JHY: variants seen among roughly 807,000 people sequenced by gnomAD.
JHY encodes junctional cadherin complex regulator.
In JHY, 69 loss-of-function variants were observed where a neutral mutation model predicts 78.0. That is an observed-to-expected ratio of 0.88 (90% CI 0.73 to 1.08). The LOEUF (loss-of-function observed/expected upper bound fraction) is 1.08. Among genes scored for constraint, JHY ranks in the 50% least tolerant of loss-of-function variants. The probability of loss-of-function intolerance (pLI) is 0.00; values close to 1 mark genes in which losing one functional copy is unlikely to be tolerated. For synonymous variants in JHY, 368 were observed against 342.6 expected, an observed-to-expected ratio of 1.07 and a Z score of -0.82; for missense variants, 944 against 927.8, an observed-to-expected ratio of 1.02 and a Z score of -0.23.
rs566191245 is a variant in JHY, at chr11:122,918,635, G to A, written c.865-6262G>A. ...TTTCCACCTTATTTTGTCAACAGCC[G>A]GCTACCTGGCTTTAAAATAAACCAC... On this transcript the variant is annotated intron_variant, in intron 3 of 8. Transcript: ENST00000227349. Among the ~76,000 whole-genome samples, 9 of 151,586 alleles carry A rather than the reference G, an allele frequency of 5.9e-5. 2 individuals carry two copies. Among genetic ancestry groups the A allele is most frequent in the African/African-American group, 2.0e-4 (8 of 40,918 alleles).
chr11:122,951,063 C>T (rs989890787), intron 6 of JHY, among the ~76,000 whole-genome samples: 5 of 152,194 alleles, frequency 3.3e-5, no homozygotes, highest in Admixed American at 1.3e-4. Context: ...AGTCAAGGCA[C>T]CAGACAGAGG....
intron 3 of JHY, among the ~76,000 whole-genome samples, chr11:122,904,795 A>T (rs574281254): frequency 3.4e-4 from 52 of 152,358 alleles, no homozygotes; most frequent in Non-Finnish European, 5.0e-4. Flanking sequence ...GGAACTTTTT[A>T]AAACTGTGTT....
chr11:122,927,033 A>G (rs1226390371), intron 4 of JHY: 1 of 152,238 alleles, frequency 6.6e-6, no homozygotes, highest in Non-Finnish European at 1.5e-5. Context: ...TCGAGGTAAA[A>G]AGCTTTGCCC....
intron 2 of JHY, among the ~76,000 whole-genome samples, chr11:122,896,491 AC>A (rs1862743871): frequency 6.6e-6 from 1 of 152,142 alleles, no homozygotes; most frequent in African/African-American, 2.4e-5. Flanking sequence ...GAAAGTACTT[AC>A]GTTTCTTAAT....
In JHY at chr11:122,961,086, TA is replaced by T. The variant is rs1301461377; in HGVS notation, c.*1644del. 2.0e-6 allele frequency: 2 copies of T among 1,012,250 alleles called. No homozygotes were observed. The highest frequency in any genetic ancestry group is 3.1e-6 in the Non-Finnish European group (2 of 651,032). 62.7% of individuals were successfully genotyped at this position (1,012,250 alleles called of 1,614,324 possible). On this transcript the variant is annotated 3_prime_UTR_variant, in exon 9 of 9. Transcript: ENST00000227349. ...GAAGACTCATGCACAGCCAGTTATGTAAATGTATCTATCCCAATTGAGAGAG... is the reference window on the plus strand; with the variant it reads ...GAAGACTCATGCACAGCCAGTTATGTAATGTATCTATCCCAATTGAGAGAG...
intron 3 of JHY, among the ~76,000 whole-genome samples, chr11:122,906,247 G>A (rs765048796): frequency 1.2e-4 from 19 of 152,102 alleles, no homozygotes; most frequent in Non-Finnish European, 2.4e-4. Flanking sequence ...GAATGCAATC[G>A]CACGATCATA....
At chr11:122,905,352 A>T in intron 3 of JHY, 5 of 1,534,464 alleles carry the variant, frequency 3.3e-6, no homozygotes, top group Non-Finnish European at 4.4e-6. Context: ...TACTGGAAAG[A>T]GCTTGAGATT....
At chr11:122,910,641 G>A (rs1863097724) in intron 3 of JHY, among the ~76,000 whole-genome samples, 1 of 152,102 alleles carries the variant, frequency 6.6e-6, no homozygotes, top group African/African-American at 2.4e-5. Context: ...TCTTAATTTT[G>A]AACCATACTT....
intron 2 of JHY, among the ~76,000 whole-genome samples, chr11:122,902,857 T>C (rs550380192): frequency 5.3e-5 from 8 of 152,276 alleles, no homozygotes; most frequent in East Asian, 3.9e-4. Context: ...ACCTCCAACA[T>C]TGGGGATTAC....
At chr11:122,892,023 T>C (rs1591368191) in intron 2 of JHY, among the ~76,000 whole-genome samples, 1 of 152,236 alleles carries the variant, frequency 6.6e-6, no homozygotes, top group East Asian at 1.9e-4. Context: ...TTTTAGAGGA[T>C]ACTGTGACCT....
chr11:122,911,376 T>G (rs985443959), intron 3 of JHY, among the ~76,000 whole-genome samples: 22 of 152,204 alleles, frequency 1.4e-4, no homozygotes, highest in African/African-American at 5.1e-4. Context: ...AACACATCTT[T>G]GTGGCTGTTG....
Position 122,935,172 on chromosome 11 carries a change from G to A in JHY, c.1634+97G>A. ...AAGAAGGGGAAGGGGAATCCATAAG[G>A]TGGCTAGGTGAGAAGAAGAGTTCAC... is the stretch of plus-strand genomic sequence containing the variant. On this transcript the variant is annotated intron_variant, in intron 5 of 8. Transcript: ENST00000227349. This position sits in a 1 kb window ranked among gnomAD's most constrained non-coding sequence, Gnocchi z 4.5. 8.8e-7 allele frequency: 1 copy of A among 1,140,438 alleles called. No homozygotes were observed. The highest frequency in any genetic ancestry group is 1.2e-6 in the Non-Finnish European group (1 of 820,502). The allele number at this position is 1,140,438 out of a possible 1,614,324, so 70.6% of individuals were successfully genotyped here. A position where few individuals can be genotyped will look rare whatever the true frequency, so the allele number is the denominator to read the frequency against.
chr11:122,897,626 A>C (rs150692468), intron 2 of JHY, among the ~76,000 whole-genome samples: 19 of 152,366 alleles, frequency 1.2e-4, no homozygotes, highest in African/African-American at 4.6e-4. Context: ...GCACCAGGAA[A>C]TGAATGCAGG....
intron 6 of JHY, among the ~76,000 whole-genome samples, chr11:122,956,169 AT>A (rs1267883921): frequency 8.6e-5 from 13 of 150,376 alleles, no homozygotes; most frequent in Admixed American, 3.3e-4. Context: ...AAAAAAAAAA[AT>A]AAAATAAAAA....
Position 122,961,980 on chromosome 11 carries a change from T to C in JHY, c.*2535T>C, listed in dbSNP as rs977063813. The stretch of plus-strand genomic sequence containing the variant: ...AAGCTCCTTACTCCAAGTACATAAA[T>C]TTGCTGGCCATTTTGCCATCACAAA... On this transcript the variant is annotated 3_prime_UTR_variant, in exon 9 of 9. Coordinates refer to ENST00000227349, the MANE Select transcript of JHY (RefSeq NM_024806.4). Among the ~76,000 whole-genome samples the C allele has an allele frequency of 2.0e-5, 3 of 152,206 alleles. No individual in the cohort carries two copies. The highest frequency in any genetic ancestry group is 7.2e-5 in the African/African-American group (3 of 41,446).
At chr11:122,946,429 C>T in intron 5 of JHY, 69 bp from the exon 6 acceptor site, 1 of 1,470,292 alleles carries the variant, frequency 6.8e-7, no homozygotes, top group Non-Finnish European at 9.1e-7. Context: ...TTCATAAAGA[C>T]TTTTATGCTA....
Position 122,934,454 on chromosome 11 carries a change from C to A in JHY, c.1013C>A (p.Thr338Lys), listed in dbSNP as rs1863704122. 1.9e-6 allele frequency: 3 copies of A among 1,613,416 alleles called. No individual in the cohort carries two copies. Among genetic ancestry groups the A allele is most frequent in the Non-Finnish European group, 2.5e-6 (3 of 1,179,648 alleles). Residue 338 changes from threonine (T) to lysine (K), a missense_variant, in exon 5 of 9, where the codon ACA (threonine) becomes AAA (lysine). By Grantham distance (78) the Thr-to-Lys change is moderately conservative. Coordinates refer to ENST00000227349, the MANE Select transcript of JHY (RefSeq NM_024806.4). ...YQEHWSQYES[T>K]KSSNVPRGQP... is the part of the protein sequence containing the mutation. ...GAACACTGGTCTCAATATGAAAGTA[C>A]AAAATCAAGCAATGTACCAAGAGGG... is the stretch of plus-strand genomic sequence containing the variant.
chr11:122,943,460 G>A (rs144387013), intron 5 of JHY, among the ~76,000 whole-genome samples: 4 of 152,192 alleles, frequency 2.6e-5, no homozygotes, highest in East Asian at 3.9e-4. Flanking sequence ...TTCTATGTAC[G>A]AGTAGGCTTG....
rs867267146 is a variant in JHY, at chr11:122,956,457, A to G, written c.1930-39A>G. The stretch of plus-strand genomic sequence containing the variant: ...GGTGTTAGGAGTCGGGGGACACACA[A>G]GTCCTTAAAAGAAACTGTTTCTGTG... On this transcript the variant is annotated intron_variant, in intron 6 of 8. Coordinates refer to ENST00000227349, the MANE Select transcript of JHY (RefSeq NM_024806.4). 5.0e-6 allele frequency: 8 copies of G among 1,593,162 alleles called. No individual in the cohort carries two copies. In the Middle Eastern group the frequency reaches 1.3e-3, roughly 266 times the overall value.
Sources: allele counts gnomAD v4.1 joint callset (sites outside exome capture counted in the v4.1 genomes callset), GRCh38; gene constraint gnomAD v4.1.1; non-coding constraint Gnocchi (gnomAD v3.1); transcripts MANE v1.5; gene names NCBI Gene and HGNC (gene_info 2026-07-23, HGNC 2026-07-21).